The following PIWIL4 variants were observed in gnomAD, a reference collection of about 807,000 sequenced individuals.
The protein encoded by PIWIL4 is piwi like RNA-mediated gene silencing 4, also known as piwi-like protein 4.
A neutral mutation model predicts 100.9 loss-of-function variants in PIWIL4; 50 were observed. That is an observed-to-expected ratio of 0.50 (90% CI 0.39 to 0.63). The LOEUF is 0.63. Ranked by LOEUF, PIWIL4 falls within the 20% of genes least tolerant of loss-of-function variation. The probability of loss-of-function intolerance (pLI) is 0.00; values close to 1 mark genes in which losing one functional copy is unlikely to be tolerated. For missense variants in PIWIL4, 887 were observed against 1,043.3 expected (o/e 0.85, Z 2.06); for synonymous variants, 342 against 367.5 (o/e 0.93, Z 0.79).
At chr11:94,571,407 G>A (rs1007141322) in intron 2 of PIWIL4, among the ~76,000 whole-genome samples, 11 of 152,056 alleles carry the variant, frequency 7.2e-5, no homozygotes, top group East Asian at 1.9e-4. Flanking sequence ...TTTACATTAG[G>A]TATATCTCCT....
At chr11:94,573,243 AT>A (rs1388925389) in intron 2 of PIWIL4, among the ~76,000 whole-genome samples, 2 of 152,170 alleles carry the variant, frequency 1.3e-5, no homozygotes, top group East Asian at 3.8e-4. Context: ...AACGGAGACA[AT>A]TTGACTTCCT....
At chr11:94,613,746 G>A (rs936147755) in intron 15 of PIWIL4, among the ~76,000 whole-genome samples, 1 of 151,814 alleles carries the variant, frequency 6.6e-6, no homozygotes, top group Non-Finnish European at 1.5e-5. Context: ...TTATTTAATT[G>A]TATTCTTCAG....
chr11:94,594,822 G>A (rs971126433), intron 9 of PIWIL4, among the ~76,000 whole-genome samples: 1 of 152,162 alleles, frequency 6.6e-6, no homozygotes, highest in Non-Finnish European at 1.5e-5. Context: ...ATGAGCCACA[G>A]CGCCCGGCCT....
Position 94,590,153 on chromosome 11 carries a change from A to T in PIWIL4, c.1026+921A>T, listed in dbSNP as rs1948463766. 2.0e-5 allele frequency among the ~76,000 whole-genome samples: 3 copies of T among 152,220 alleles called. No individual in the cohort carries two copies. In the South Asian group the frequency reaches 6.2e-4, roughly 32 times the overall value. On this transcript the variant is annotated intron_variant, in intron 8 of 19. Coordinates refer to ENST00000299001, the MANE Select transcript of PIWIL4 (RefSeq NM_152431.3). ...TCTCCTTAGCTAACTTTAGAAAGTC[A>T]TTTACACTAGCTCCAAGCACCTTTT...
At chr11:94,618,360 TCA>T (rs1354069459) in intron 17 of PIWIL4, among the ~76,000 whole-genome samples, 1 of 152,170 alleles carries the variant, frequency 6.6e-6, no homozygotes, top group Non-Finnish European at 1.5e-5. Context: ...AAAGGTACCC[TCA>T]GAGCAGCTGA....
chr11:94,588,432 A>G (rs1948435554), intron 7 of PIWIL4, among the ~76,000 whole-genome samples: 1 of 152,212 alleles, frequency 6.6e-6, no homozygotes, highest in African/African-American at 2.4e-5. Flanking sequence ...ACTACTCGGT[A>G]TGAGAAGGCT....
chr11:94,609,719 A>G (rs549569616), intron 15 of PIWIL4, among the ~76,000 whole-genome samples: 1 of 152,272 alleles, frequency 6.6e-6, no homozygotes, highest in East Asian at 1.9e-4. Flanking sequence ...CATTTATCAG[A>G]AAATTTATTA....
At chr11:94,605,988 A>T (rs548928788) in intron 13 of PIWIL4, among the ~76,000 whole-genome samples, 1 of 152,176 alleles carries the variant, frequency 6.6e-6, no homozygotes, top group Non-Finnish European at 1.5e-5. Context: ...GGAATCAGAT[A>T]TCTTTCCCAG....
intron 10 of PIWIL4, among the ~76,000 whole-genome samples, chr11:94,595,852 A>G (rs11020853): frequency 0.041 from 6,289 of 152,262 alleles, 163 homozygotes; most frequent in Middle Eastern, 0.092. Context: ...AAACCCCACT[A>G]TGTGCCTTTT....
rs1301905323 is a variant in PIWIL4, at chr11:94,567,480, C to T, written c.-39C>T. The stretch of plus-strand genomic sequence containing the variant: ...AAAGCAAAACATATCCTAACTGAGA[C>T]TTTGCAGCTCTTGTGGCCACTCTGG... On this transcript the variant is annotated 5_prime_UTR_variant, in exon 1 of 20. Coordinates refer to ENST00000299001, the MANE Select transcript of PIWIL4 (RefSeq NM_152431.3). The T allele has an allele frequency of 7.4e-6, 11 of 1,494,002 alleles. No homozygotes were observed. The allele number at this position is 1,494,002 out of a possible 1,614,324, so 92.5% of individuals were successfully genotyped here.
chr11:94,583,626 C>T, intron 5 of PIWIL4, 57 bp downstream of exon 5: 1 of 1,599,732 alleles, frequency 6.3e-7, no homozygotes, highest in Non-Finnish European at 8.6e-7. Context: ...CAGCATAGAG[C>T]CTGGGTATTA....
Position 94,589,363 on chromosome 11 carries a change from C to T in PIWIL4, c.1026+131C>T, listed in dbSNP as rs556339973. 121 of 691,364 alleles carry T rather than the reference C, an allele frequency of 1.8e-4. 1 individual carries two copies. The highest frequency in any genetic ancestry group is 1.5e-3 in the East Asian group (53 of 36,506). The allele number at this position is 691,364 out of a possible 1,614,324, so 42.8% of individuals were successfully genotyped here. A position where few individuals can be genotyped will look rare whatever the true frequency, so the allele number is the denominator to read the frequency against. The stretch of plus-strand genomic sequence containing the variant: ...CGACCTGATTCTCTGACTTGTCTCT[C>T]TCCTTCATCCCCACCCTCCCAGTCT... On this transcript the variant is annotated intron_variant, in intron 8 of 19. Transcript: ENST00000299001.
At chr11:94,585,420 A>G in intron 5 of PIWIL4, 25 bp from the exon 6 acceptor site, 1 of 1,574,314 alleles carries the variant, frequency 6.4e-7, no homozygotes, top group Non-Finnish European at 8.7e-7. Flanking sequence ...ATATTTACCA[A>G]AAATTCAAAA....
intron 6 of PIWIL4, among the ~76,000 whole-genome samples, chr11:94,586,138 T>C (rs969353403): frequency 6.6e-6 from 1 of 151,650 alleles, no homozygotes; most frequent in Non-Finnish European, 1.5e-5. Context: ...GGCCTTCTGC[T>C]TGGTGGAGGA....
rs1390919157 is a variant in PIWIL4, at chr11:94,610,479, T to TC, written c.1943+1796dup. Among the ~76,000 whole-genome samples, 4 of 152,158 alleles carry TC rather than the reference T, an allele frequency of 2.6e-5. No individual in the cohort carries two copies. The South Asian group carries it at 6.2e-4, about 24-fold the overall frequency. On this transcript the variant is annotated intron_variant, in intron 15 of 19. Transcript: ENST00000299001. ...ATTCCCACCAACAATGTATAAAGGT[T>TC]CCCATTTTTCCACATTCTCCCTAAT...
At chr11:94,603,453 G>A (rs1199757219) in intron 12 of PIWIL4, among the ~76,000 whole-genome samples, 1 of 152,290 alleles carries the variant, frequency 6.6e-6, no homozygotes, top group East Asian at 1.9e-4. Context: ...GTACTTGTGC[G>A]CTGATTAAGG....
intron 2 of PIWIL4, among the ~76,000 whole-genome samples, 157 bp from the exon 3 acceptor site, chr11:94,574,842 T>C (rs976670701): frequency 6.6e-5 from 10 of 152,248 alleles, no homozygotes; most frequent in African/African-American, 2.4e-4. Context: ...GTTTTTAGGC[T>C]GAAGACTTCT....
intron 11 of PIWIL4, among the ~76,000 whole-genome samples, chr11:94,600,400 T>C (rs766515701): frequency 6.6e-6 from 1 of 152,118 alleles, no homozygotes; most frequent in South Asian, 2.1e-4. Flanking sequence ...ACATCACATG[T>C]CGGTAGGTTC....
At chr11:94,614,420 G>A (rs981568358) in intron 15 of PIWIL4, among the ~76,000 whole-genome samples, 22 of 149,516 alleles carry the variant, frequency 1.5e-4, no homozygotes, top group African/African-American at 4.9e-4. Context: ...TGATTCTCCT[G>A]CCTCAGCCTC....
Sources: allele counts gnomAD v4.1 joint callset (sites outside exome capture counted in the v4.1 genomes callset), GRCh38; gene constraint gnomAD v4.1.1; transcripts MANE v1.5; gene names NCBI Gene and HGNC (gene_info 2026-07-23, HGNC 2026-07-21).